Variants in IL1F10 observed in about 807,000 individuals in gnomAD.
IL1F10 encodes the protein interleukin-1 family member 10.
IL1F10 carries 13 observed loss-of-function variants against 13.1 expected under a neutral mutation model. That is an observed-to-expected ratio of 0.99 (90% CI 0.64 to 1.57). The LOEUF is 1.57. Ranked by LOEUF, IL1F10 falls within the 40% of genes most tolerant of loss-of-function variation. The pLI, the probability that IL1F10 is intolerant of heterozygous loss-of-function variation, is 0.00. For synonymous variants in IL1F10, 78 were observed against 68.2 expected, an observed-to-expected ratio of 1.14 and a Z score of -0.71; for missense variants, 191 against 184.1, an observed-to-expected ratio of 1.04 and a Z score of -0.22.
chr2:113,072,597 G>A (rs982108268), intron 1 of IL1F10, 114 bp from the exon 2 acceptor site: 6 of 664,536 alleles, frequency 9.0e-6, no homozygotes, highest in Middle Eastern at 3.0e-4. Context: ...AATTATAGAC[G>A]AATGGCCTGG....
intron 1 of IL1F10, 200 bp from the exon 2 acceptor site, chr2:113,072,511 T>G (rs1323058041): frequency 1.9e-6 from 1 of 525,662 alleles, no homozygotes; most frequent in Non-Finnish European, 3.4e-6. Flanking sequence ...TGCTCCCGGA[T>G]AGCCTCAGTC....
chr2:113,072,780 C>T lies in IL1F10; in HGVS notation c.32+10C>T, dbSNP rs1032777275. The T allele has an allele frequency of 4.3e-6, 7 of 1,611,568 alleles. No homozygotes were observed. Among genetic ancestry groups the T allele is most frequent in the African/African-American group, 4.0e-5 (3 of 74,880 alleles). ...TGGCAAGATACTACATGTAAGTTGT[C>T]CTGGCATGTCCCTGCTTTCCAAGCC... On this transcript the variant is annotated intron_variant, in intron 2 of 4. Coordinates refer to ENST00000341010, the MANE Select transcript of IL1F10 (RefSeq NM_173161.3).
chr2:113,068,985 G>A (rs543194963), intron 1 of IL1F10, among the ~76,000 whole-genome samples: 2 of 152,312 alleles, frequency 1.3e-5, no homozygotes, highest in South Asian at 4.1e-4. Flanking sequence ...AACCCTGTAT[G>A]TCTAAGCTGT....
intron 1 of IL1F10, among the ~76,000 whole-genome samples, chr2:113,070,586 T>G (rs1019925824): frequency 2.0e-5 from 3 of 152,120 alleles, no homozygotes; most frequent in African/African-American, 7.2e-5. Context: ...GAAGCCCCAG[T>G]GGTTTGGCCA....
Position 113,072,883 on chromosome 2 carries a change from C to A in IL1F10, c.32+113C>A, listed in dbSNP as rs77133319. On this transcript the variant is annotated intron_variant, in intron 2 of 4. Coordinates refer to ENST00000341010, the MANE Select transcript of IL1F10 (RefSeq NM_173161.3). Reference sequence around the variant, plus strand: ...CTTCTCACCTTAGAAATTGCAAGTGCCCCATAATTAAGCTTCATCATCACC... The same window carrying A: ...CTTCTCACCTTAGAAATTGCAAGTGACCCATAATTAAGCTTCATCATCACC... 6.5e-3 allele frequency: 5,671 copies of A among 878,840 alleles called. 218 individuals are homozygous for A. The African/African-American group carries it at 0.085, about 13-fold the overall frequency. The allele number at this position is 878,840 out of a possible 1,614,324, so 54.4% of individuals were successfully genotyped here. A position where few individuals can be genotyped will look rare whatever the true frequency, so the allele number is the denominator to read the frequency against.
chr2:113,068,853 A>G (rs768762234), intron 1 of IL1F10, among the ~76,000 whole-genome samples: 2 of 152,222 alleles, frequency 1.3e-5, no homozygotes, highest in Non-Finnish European at 2.9e-5. Flanking sequence ...TAAGGGAAAG[A>G]TTCATTAAAC....
At chr2:113,068,592 T>C (rs1348001206) in intron 1 of IL1F10, among the ~76,000 whole-genome samples, 1 of 152,138 alleles carries the variant, frequency 6.6e-6, no homozygotes, top group African/African-American at 2.4e-5. Context: ...GGTGGCAAAA[T>C]AAATTGGTAG....
chr2:113,075,140 T>C lies in IL1F10; in HGVS notation c.247-12T>C. ...CACTCTCATTCTGCAGCCATCCACC[T>C]TGCCCCCACAGGATGTGAACATTGA... On this transcript the variant is annotated splice_polypyrimidine_tract_variant and intron_variant, in intron 4 of 4. Transcript: ENST00000341010. The C allele has an allele frequency of 6.3e-7, 1 of 1,591,170 alleles. No individual in the cohort carries two copies. The highest frequency in any genetic ancestry group is 8.6e-7 in the Non-Finnish European group (1 of 1,165,988).
intron 1 of IL1F10, 165 bp from the exon 2 acceptor site, chr2:113,072,546 C>T: frequency 1.8e-6 from 1 of 555,458 alleles, no homozygotes; most frequent in Non-Finnish European, 3.2e-6. Context: ...CTGCCTGGAG[C>T]CTGCTGGGCT....
chr2:113,070,877 CTGA>C (rs1381330267), intron 1 of IL1F10, among the ~76,000 whole-genome samples: 2 of 152,188 alleles, frequency 1.3e-5, no homozygotes. Flanking sequence ...AGCAGCATGG[CTGA>C]TTGCTGGAAT....
Position 113,075,490 on chromosome 2 carries a change from G to A in IL1F10, c.*126G>A. 2 of 643,450 alleles carry A rather than the reference G, an allele frequency of 3.1e-6. No homozygotes were observed. Among genetic ancestry groups the A allele is most frequent in the Non-Finnish European group, 2.6e-6 (1 of 389,328 alleles). 39.9% of individuals were successfully genotyped at this position (643,450 alleles called of 1,614,324 possible). A position where few individuals can be genotyped will look rare whatever the true frequency, so the allele number is the denominator to read the frequency against. ...TCCTAATCCCAAGATCTGTGCATAT[G>A]TTACCATACATGTCCAAAGAGGTTT... On this transcript the variant is annotated 3_prime_UTR_variant, in exon 5 of 5. Transcript: ENST00000341010.
chr2:113,068,338 T>C (rs1685778653), intron 1 of IL1F10, among the ~76,000 whole-genome samples: 1 of 117,452 alleles, frequency 8.5e-6, no homozygotes, highest in South Asian at 4.9e-4. Context: ...ATTTTTTGTT[T>C]TCGTTTTTTT....
At chr2:113,072,857 C>T (rs983114819) in intron 2 of IL1F10, 87 bp downstream of exon 2, 1 of 1,152,452 alleles carries the variant, frequency 8.7e-7, no homozygotes, top group African/African-American at 1.5e-5. Context: ...GGATGAGGCT[C>T]CTTCTCACCT....
At position 113,070,654 on chromosome 2, in the gene IL1F10, G is replaced by A. The variant is rs909090227; in HGVS notation, c.-28-2057G>A. ...AGGCCATGATGCTGTTGAGTTATCT[G>A]TACTGGGGGATTGTCTAGTCCTTTA... On this transcript the variant is annotated intron_variant, in intron 1 of 4. Transcript: ENST00000341010. Among the ~76,000 whole-genome samples the A allele has an allele frequency of 3.3e-5, 5 of 152,308 alleles. No individual in the cohort carries two copies. In the South Asian group the frequency reaches 6.2e-4, roughly 19 times the overall value.
At chr2:113,071,562 C>T (rs1685835225) in intron 1 of IL1F10, among the ~76,000 whole-genome samples, 1 of 152,156 alleles carries the variant, frequency 6.6e-6, no homozygotes, top group African/African-American at 2.4e-5. Context: ...AAGTCATACC[C>T]CAAGGCCTGG....
At position 113,075,358 on chromosome 2, in the gene IL1F10, C is replaced by T; in HGVS notation, c.453C>T (p.Ser151=). The part of the protein sequence containing the change: ...SARTKFYFEQ[S]W ...GTACCAAGTTTTACTTTGAACAGAG[C>T]TGGTAGGGAGACAGGAAACTGCGTT... Residue 151 remains serine, a synonymous_variant, in exon 5 of 5, where the codon AGC becomes AGT. Transcript: ENST00000341010. 3 of 1,566,760 alleles carry T rather than the reference C, an allele frequency of 1.9e-6. No homozygotes were observed. Among genetic ancestry groups the T allele is most frequent in the Non-Finnish European group, 1.7e-6 (2 of 1,150,772 alleles).
chr2:113,070,792 T>C (rs1197313641), intron 1 of IL1F10, among the ~76,000 whole-genome samples: 1 of 152,172 alleles, frequency 6.6e-6, no homozygotes, highest in African/African-American at 2.4e-5. Context: ...AATCTGTTAT[T>C]TTAACAAGAA....
chr2:113,072,754 A>G lies in IL1F10; in HGVS notation c.16A>G (p.Met6Val). MCSLP[M>V]ARYYIIKYAD... ...GATTGCAGGAATGTGTTCCCTCCCC[A>G]TGGCAAGATACTACATGTAAGTTGT... Residue 6 changes from methionine (M) to valine (V), a missense_variant, in exon 2 of 5, where the codon ATG becomes GTG. Met to Val is a conservative substitution (Grantham distance 21). Transcript: ENST00000341010. The G allele has an allele frequency of 6.2e-7, 1 of 1,613,266 alleles. No individual in the cohort carries two copies.
At chr2:113,072,588 A>G (rs1685856635) in intron 1 of IL1F10, 123 bp from the exon 2 acceptor site, 2 of 635,710 alleles carry the variant, frequency 3.1e-6, no homozygotes, top group Non-Finnish European at 5.5e-6. Flanking sequence ...TGGCAGGCCA[A>G]TTATAGACGA....
Sources: allele counts gnomAD v4.1 joint callset (sites outside exome capture counted in the v4.1 genomes callset), GRCh38; gene constraint gnomAD v4.1.1; transcripts MANE v1.5; gene names NCBI Gene and HGNC (gene_info 2026-07-23, HGNC 2026-07-21).